The following CDS2 variants were observed in gnomAD, a reference collection of about 807,000 sequenced individuals.
CDS2 encodes the protein phosphatidate cytidylyltransferase 2.
A neutral mutation model predicts 59.0 loss-of-function variants in CDS2; 47 were observed. The ratio of observed to expected loss-of-function variants is 0.80; its 90% CI spans 0.63 to 1.02. The LOEUF is 1.02. CDS2 is among the 50% of genes least tolerant of loss of function. The pLI is 0.00. For missense variants in CDS2, 356 were observed against 558.9 expected, an observed-to-expected ratio of 0.64 and a Z score of 3.66; for synonymous variants, 207 against 206.4, an observed-to-expected ratio of 1.00 and a Z score of -0.02.
rs186712212 is a variant in CDS2, at chr20:5,178,792, G to A, written c.390-25G>A. The A allele has an allele frequency of 1.2e-5, 19 of 1,613,732 alleles. No individual in the cohort carries two copies. In the Admixed American group the frequency reaches 1.8e-4, roughly 16 times the overall value. On this transcript the variant is annotated intron_variant, in intron 4 of 12. Transcript: ENST00000460006. ...CTGTGAAGGCAAGGGTGCTCCCCAC[G>A]GCAATGACCTGTCTTCATTTACAGG...
intron 1 of CDS2, among the ~76,000 whole-genome samples, chr20:5,171,550 G>A (rs1000244732): frequency 6.6e-6 from 1 of 152,216 alleles, no homozygotes; most frequent in Admixed American, 6.5e-5. Context: ...GCAACTGGTG[G>A]TTGCCGATGG....
chr20:5,141,800 C>T lies in CDS2; in HGVS notation c.57+14651C>T, dbSNP rs1340782651. On this transcript the variant is annotated intron_variant, in intron 1 of 12. Coordinates refer to ENST00000460006, the MANE Select transcript of CDS2 (RefSeq NM_003818.4). The stretch of plus-strand genomic sequence containing the variant: ...TGAAGTGAATTGAATTGGATGGTAC[C>T]CAGCTACTGTCCGCTGCAGAATTGA... Among the ~76,000 whole-genome samples the T allele has an allele frequency of 2.0e-5, 3 of 152,102 alleles. No homozygotes were observed. In the East Asian group the frequency reaches 5.8e-4, roughly 29 times the overall value.
intron 1 of CDS2, among the ~76,000 whole-genome samples, chr20:5,163,512 C>T (rs1050075208): frequency 4.0e-5 from 6 of 151,266 alleles, no homozygotes; most frequent in South Asian, 2.1e-4. Context: ...CCACCCGCCT[C>T]GGCCTCCCAA....
At chr20:5,186,030 A>G (rs553719393) in intron 9 of CDS2, among the ~76,000 whole-genome samples, 10 of 152,240 alleles carry the variant, frequency 6.6e-5, no homozygotes, top group African/African-American at 9.6e-5. Flanking sequence ...AGCACCTTCT[A>G]TGCCCTCTCG....
rs1233517884 is a variant in CDS2, at chr20:5,189,072, G to A, written c.987G>A (p.Thr329=). Residue 329 remains threonine (T), a synonymous_variant, in exon 11 of 13, where the codon ACG becomes ACA. Coordinates refer to ENST00000460006, the MANE Select transcript of CDS2 (RefSeq NM_003818.4). ...GVIQSVIGWK[T]VRMYPFQIHS... is the part of the protein sequence containing the mutation. ...ACTTCATTTACTCTTCTCAGAAAACGGTCCGGATGTACCCCTTCCAGATTC... is the reference window on the plus strand; with the variant it reads ...ACTTCATTTACTCTTCTCAGAAAACAGTCCGGATGTACCCCTTCCAGATTC... 14 of 1,613,976 alleles carry A rather than the reference G, an allele frequency of 8.7e-6. No individual in the cohort carries two copies. In the South Asian group the frequency reaches 1.2e-4, roughly 14 times the overall value.
chr20:5,152,879 C>G (rs756864396), intron 1 of CDS2, among the ~76,000 whole-genome samples: 7 of 152,172 alleles, frequency 4.6e-5, no homozygotes, highest in Non-Finnish European at 7.3e-5. Context: ...GTGGGTAAGT[C>G]TCAAAATATA....
chr20:5,173,475 C>T (rs1479700679), intron 1 of CDS2, 48 bp from the exon 2 acceptor site: 2 of 1,608,332 alleles, frequency 1.2e-6, no homozygotes, highest in Middle Eastern at 1.7e-4. Flanking sequence ...TCTCAATGGT[C>T]TACTCGGCAC....
intron 1 of CDS2, among the ~76,000 whole-genome samples, chr20:5,166,201 C>G (rs2090912565): frequency 1.3e-5 from 2 of 152,076 alleles, no homozygotes; most frequent in Admixed American, 1.3e-4. Flanking sequence ...TGACAGGTGG[C>G]ATAAGGAGTG....
At chr20:5,179,531 C>T (rs149067113) in intron 5 of CDS2, among the ~76,000 whole-genome samples, 56 of 152,344 alleles carry the variant, frequency 3.7e-4, no homozygotes, top group African/African-American at 1.3e-3. Context: ...TGGTCCTGTC[C>T]TGACTCTCCT....
intron 7 of CDS2, among the ~76,000 whole-genome samples, chr20:5,183,344 A>G (rs572308691): frequency 1.3e-5 from 2 of 152,274 alleles, no homozygotes; most frequent in East Asian, 3.9e-4. Flanking sequence ...AATTTCTAGT[A>G]CATTCCTGGG....
Position 5,197,135 on chromosome 20 carries a change from A to G in CDS2, c.*6901A>G, listed in dbSNP as rs150744336. 2 of 152,066 alleles carry G rather than the reference A, an allele frequency of 1.3e-5. No homozygotes were observed. Among genetic ancestry groups the G allele is most frequent in the African/African-American group, 4.8e-5 (2 of 41,464 alleles). 9.4% of individuals were successfully genotyped at this position (152,066 alleles called of 1,614,324 possible). A position where few individuals can be genotyped will look rare whatever the true frequency, so the allele number is the denominator to read the frequency against. ...TTATCTTCTAGAGTTGATACTGATA[A>G]TATATTTTAATTTTTATTGATGTTT... is the stretch of plus-strand genomic sequence containing the variant. On this transcript the variant is annotated 3_prime_UTR_variant, in exon 13 of 13. Transcript: ENST00000460006.
At chr20:5,150,015 C>T (rs1042523142) in intron 1 of CDS2, among the ~76,000 whole-genome samples, 5 of 152,150 alleles carry the variant, frequency 3.3e-5, no homozygotes, top group African/African-American at 1.2e-4. Context: ...GCTCCTGGCC[C>T]TCCTAGTATT....
rs900898281 is a variant in CDS2 at position 5,184,710 on chromosome 20, ATTTT to A, written c.672-145_672-142del. 8 of 678,378 alleles carry A rather than the reference ATTTT, an allele frequency of 1.2e-5. No homozygotes were observed. In the African/African-American group the frequency reaches 1.4e-4, roughly 12 times the overall value. 42.0% of individuals were successfully genotyped at this position (678,378 alleles called of 1,614,324 possible). On this transcript the variant is annotated intron_variant, in intron 7 of 12. Coordinates refer to ENST00000460006, the MANE Select transcript of CDS2 (RefSeq NM_003818.4). The surrounding 1 kb of genome is among the most constrained non-coding windows in gnomAD (Gnocchi z 4.3). ...AGGTACTAGGTATGACTTTTTTGGTATTTTTTATGTTTTTAACTTACTCCTTAAT... is the reference window on the plus strand; with the variant it reads ...AGGTACTAGGTATGACTTTTTTGGTATTATGTTTTTAACTTACTCCTTAAT...
At position 5,127,140 on chromosome 20, in the gene CDS2, C is replaced by G. The variant is rs770975430; in HGVS notation, c.48C>G (p.Pro16=). The G allele has an allele frequency of 4.0e-6, 6 of 1,494,660 alleles. No individual in the cohort carries two copies. The South Asian group carries it at 7.6e-5, about 19-fold the overall frequency. 92.6% of individuals were successfully genotyped at this position (1,494,660 alleles called of 1,614,324 possible). The change falls in exon 1 of 13, where the codon CCC becomes CCG. Residue 16 remains proline (P), a synonymous_variant. Transcript: ENST00000460006. ...QRVAHEPVAP[P]EDKESESEAK... Reference sequence around the variant, plus strand: ...TGGCCCATGAGCCGGTTGCGCCACCCGAGGACAAGGTAGCGGCAGCGTCGG... The same window carrying G: ...TGGCCCATGAGCCGGTTGCGCCACCGGAGGACAAGGTAGCGGCAGCGTCGG...
intron 1 of CDS2, among the ~76,000 whole-genome samples, chr20:5,145,814 CTTTTTGTGTT>C (rs1568530686): frequency 7.9e-6 from 1 of 127,128 alleles, no homozygotes. Context: ...GTGTGTTTTG[CTTTTTGTGTT>C]TTTTTTTTTT....
chr20:5,132,377 C>T (rs2090614674), intron 1 of CDS2, among the ~76,000 whole-genome samples: 1 of 152,134 alleles, frequency 6.6e-6, no homozygotes, highest in South Asian at 2.1e-4. Flanking sequence ...GGATTACAGG[C>T]GTGAGCCACC....
chr20:5,138,802 T>A (rs1600471249), intron 1 of CDS2, among the ~76,000 whole-genome samples: 1 of 151,162 alleles, frequency 6.6e-6, no homozygotes, highest in Non-Finnish European at 1.5e-5. Flanking sequence ...ATCTGGGAGG[T>A]GGAGGTTGCA....
intron 1 of CDS2, among the ~76,000 whole-genome samples, chr20:5,143,411 G>T (rs907739735): frequency 1.3e-5 from 2 of 152,118 alleles, no homozygotes; most frequent in African/African-American, 4.8e-5. Flanking sequence ...CACAGACTTT[G>T]TGACCAAGCA....
At chr20:5,130,423 G>A (rs55830710) in intron 1 of CDS2, among the ~76,000 whole-genome samples, 1 of 152,032 alleles carries the variant, frequency 6.6e-6, no homozygotes. Context: ...TATGAAACAA[G>A]AACTTTTTAA....
Sources: gnomAD v4.1 joint callset for allele counts (sites outside exome capture counted in the v4.1 genomes callset) on GRCh38, gnomAD v4.1.1 for gene constraint, Gnocchi (gnomAD v3.1) non-coding constraint, MANE v1.5 for transcripts, NCBI Gene and HGNC (gene_info 2026-07-23, HGNC 2026-07-21) for gene names.